The following METTL6 variants were observed in gnomAD, a reference collection of about 807,000 sequenced individuals.
METTL6 encodes methyltransferase 6, tRNA N3-cytidine, also known as tRNA N(3)-cytidine methyltransferase METTL6.
METTL6 carries 22 observed loss-of-function variants against 26.4 expected under a neutral mutation model. The ratio of observed to expected loss-of-function variants is 0.83; its 90% CI spans 0.59 to 1.19. The LOEUF (loss-of-function observed/expected upper bound fraction) is 1.19, where lower values mean the gene tolerates loss of function less well. Ranked by LOEUF, METTL6 falls within the 50% of genes most tolerant of loss-of-function variation. The probability of loss-of-function intolerance (pLI) is 0.00; values close to 1 mark genes in which losing one functional copy is unlikely to be tolerated. For missense variants in METTL6, 304 were observed against 324.8 expected, an observed-to-expected ratio of 0.94 and a Z score of 0.49; for synonymous variants, 109 against 116.2, an observed-to-expected ratio of 0.94 and a Z score of 0.40.
rs2124964368 is a variant in METTL6 at position 15,411,303 on chromosome 3, G to A, written c.808C>T (p.Pro270Ser). ...AGGACCACAGGAGATGGGTTCTTAGGAGGCTTTAGAAATTTGCTCTGAAGG... is the reference window on the plus strand; with the variant it reads ...AGGACCACAGGAGATGGGTTCTTAGAAGGCTTTAGAAATTTGCTCTGAAGG... ...VFLQSKFLKP[P>S]KNPSPVVLGL... is the part of the protein sequence containing the mutation. The change falls in exon 6 of 6, where the codon CCT (proline) becomes TCT (serine). Residue 270 changes from proline (P) to serine (S), a missense_variant. Physicochemically the swap from Pro to Ser is moderately conservative, Grantham distance 74. Coordinates refer to ENST00000383790, the MANE Select transcript of METTL6 (RefSeq NM_152396.4). The A allele has an allele frequency of 6.2e-7, 1 of 1,614,216 alleles. No homozygotes were observed. The highest frequency in any genetic ancestry group is 2.2e-5 in the East Asian group (1 of 44,882).
intron 6 of METTL6, among the ~76,000 whole-genome samples, chr3:15,400,461 C>T (rs1699610474): frequency 6.6e-6 from 1 of 152,114 alleles, no homozygotes; most frequent in African/African-American, 2.4e-5. Context: ...AATTATTGAA[C>T]TTTCAGAGGG....
rs114828888 is a variant in METTL6, at chr3:15,384,500, G to C, written c.*12-313C>G. 7.6e-3 allele frequency: 1,249 copies of C among 164,564 alleles called. 6 individuals are homozygous for C. The highest frequency in any genetic ancestry group is 0.027 in the African/African-American group (1,127 of 41,588). The allele number at this position is 164,564 out of a possible 1,614,324, so 10.2% of individuals were successfully genotyped here. ...TCACACCTGTAATTTCAGCACTTTG[G>C]GGGGCCGAGGCAGGAGGATCGCTTT... On this transcript the variant is annotated intron_variant, in intron 6 of 6. Transcript: ENST00000443029.
intron 6 of METTL6, among the ~76,000 whole-genome samples, chr3:15,389,513 T>C (rs906148081): frequency 3.3e-5 from 5 of 152,126 alleles, no homozygotes; most frequent in African/African-American, 1.2e-4. Flanking sequence ...TGGGGTGAGG[T>C]TGCCTTGCCT....
At chr3:15,391,637 A>G (rs1699349861) in intron 6 of METTL6, among the ~76,000 whole-genome samples, 2 of 135,354 alleles carry the variant, frequency 1.5e-5, no homozygotes, top group Admixed American at 7.2e-5. Context: ...TCCTAATGCT[A>G]TCCCTCCCCC....
At chr3:15,389,026 A>AT (rs113738338) in intron 6 of METTL6, among the ~76,000 whole-genome samples, 49 of 148,736 alleles carry the variant, frequency 3.3e-4, no homozygotes, top group South Asian at 1.1e-3. Flanking sequence ...TGCCCAGCTA[A>AT]TTTTTTTTTT....
downstream of METTL6, among the ~76,000 whole-genome samples, chr3:15,408,225 G>A (rs1047426474): frequency 5.9e-5 from 9 of 152,278 alleles, no homozygotes; most frequent in African/African-American, 2.2e-4. Context: ...CGAGACACAG[G>A]GGTGGCGTGG....
intron 3 of METTL6, among the ~76,000 whole-genome samples, chr3:15,423,121 C>T (rs566015211): frequency 6.6e-6 from 1 of 152,152 alleles, no homozygotes; most frequent in South Asian, 2.1e-4. Context: ...GTGAGCCAGG[C>T]GTGGTGGCTC....
chr3:15,388,353 C>T (rs951654505), intron 6 of METTL6, among the ~76,000 whole-genome samples: 6 of 152,090 alleles, frequency 3.9e-5, no homozygotes, highest in African/African-American at 1.4e-4. Flanking sequence ...TCAAGTGATT[C>T]GCCCGCCTCG....
Position 15,425,038 on chromosome 3 carries a change from A to C in METTL6, c.277T>G (p.Cys93Gly), listed in dbSNP as rs2061687355. The C allele has an allele frequency of 1.2e-6, 2 of 1,614,210 alleles. No individual in the cohort carries two copies. Among genetic ancestry groups the C allele is most frequent in the East Asian group, 4.5e-5 (2 of 44,876 alleles). Residue 93 changes from cysteine to glycine, a missense_variant, in exon 3 of 6, where the codon TGT becomes GGT. Physicochemically the swap from Cys to Gly is radical, Grantham distance 159. Transcript: ENST00000383790. ...MLEAGCGVGNCLFPLLEEDPN... is the reference protein window; with the variant it reads ...MLEAGCGVGNGLFPLLEEDPN... Reference sequence around the variant, plus strand: ...TCTTCTTCTAAAAGTGGGAATAAACAGTTTCCAACCCCACAGCCAGCTTCA... The same window carrying C: ...TCTTCTTCTAAAAGTGGGAATAAACCGTTTCCAACCCCACAGCCAGCTTCA...
At chr3:15,422,804 A>C (rs962127702) in intron 3 of METTL6, among the ~76,000 whole-genome samples, 1 of 152,222 alleles carries the variant, frequency 6.6e-6, no homozygotes, top group Admixed American at 6.5e-5. Flanking sequence ...GGTAGTTACT[A>C]TCTTAACCCT....
In METTL6 at chr3:15,426,622, A is replaced by T. The variant is rs895836214; in HGVS notation, c.-111T>A. The T allele has an allele frequency of 1.0e-6, 1 of 967,092 alleles. No homozygotes were observed. The highest frequency in any genetic ancestry group is 1.6e-6 in the Non-Finnish European group (1 of 636,626). 59.9% of individuals were successfully genotyped at this position (967,092 alleles called of 1,614,324 possible). ...TTCCTGAGGTGAGTTTCACGCCTCA[A>T]ACAGCACAGGGGGCTTCGCAGAGAA... On this transcript the variant is annotated 5_prime_UTR_variant, in exon 2 of 6. The change creates a new upstream start codon in the 5' untranslated region. Transcript: ENST00000383790.
chr3:15,411,147 G>T lies in METTL6; in HGVS notation c.*109C>A. 1 of 1,234,450 alleles carries T rather than the reference G, an allele frequency of 8.1e-7. No homozygotes were observed. Among genetic ancestry groups the T allele is most frequent in the Non-Finnish European group, 1.1e-6 (1 of 898,122 alleles). The allele number at this position is 1,234,450 out of a possible 1,614,324, so 76.5% of individuals were successfully genotyped here. A position where few individuals can be genotyped will look rare whatever the true frequency, so the allele number is the denominator to read the frequency against. The stretch of plus-strand genomic sequence containing the variant: ...TGACCTCAGATGATCCCCCAACCTC[G>T]GCCTCCCGAAGTGCTGGGATTACAG... On this transcript the variant is annotated 3_prime_UTR_variant, in exon 6 of 6. Coordinates refer to ENST00000383790, the MANE Select transcript of METTL6 (RefSeq NM_152396.4).
intron 6 of METTL6, among the ~76,000 whole-genome samples, chr3:15,398,925 G>C (rs1699563661): frequency 6.6e-6 from 1 of 152,204 alleles, no homozygotes; most frequent in Non-Finnish European, 1.5e-5. Flanking sequence ...GGATGAGATA[G>C]GTCAGCACAA....
intron 6 of METTL6, among the ~76,000 whole-genome samples, chr3:15,392,142 A>G (rs919660797): frequency 1.1e-4 from 17 of 152,176 alleles, no homozygotes; most frequent in African/African-American, 4.1e-4. Flanking sequence ...CTATTTCTCC[A>G]CATCCTCTCC....
At position 15,394,760 on chromosome 3, in the gene METTL6, G is replaced by A. The variant is rs1361753424; in HGVS notation, c.*12-10573C>T. On this transcript the variant is annotated intron_variant, in intron 6 of 6. Transcript: ENST00000443029. Reference sequence around the variant, plus strand: ...CTGCCTTCATTTCGTTATGTACCCAGTAGTCATTCAGGAGCAAGTTGTTCA... The same window carrying A: ...CTGCCTTCATTTCGTTATGTACCCAATAGTCATTCAGGAGCAAGTTGTTCA... Among the ~76,000 whole-genome samples, 7 of 152,204 alleles carry A rather than the reference G, an allele frequency of 4.6e-5. No individual in the cohort carries two copies. In the East Asian group the frequency reaches 1.3e-3, roughly 29 times the overall value.
At chr3:15,421,245 A>G (rs936975859) in intron 3 of METTL6, among the ~76,000 whole-genome samples, 1 of 152,242 alleles carries the variant, frequency 6.6e-6, no homozygotes, top group Non-Finnish European at 1.5e-5. Flanking sequence ...GTGACAACAT[A>G]TAATAATATA....
chr3:15,417,632 C>T lies in METTL6; in HGVS notation c.361-1690G>A, dbSNP rs942681452. Among the ~76,000 whole-genome samples, 5 of 151,902 alleles carry T rather than the reference C, an allele frequency of 3.3e-5. No homozygotes were observed. The East Asian group carries it at 9.7e-4, about 29-fold the overall frequency. On this transcript the variant is annotated intron_variant, in intron 3 of 5. Coordinates refer to ENST00000383790, the MANE Select transcript of METTL6 (RefSeq NM_152396.4). ...GAGTCCCAAAACAGACCTGTATATA[C>T]TGTATATATAAACAGGAATTTTGTA... is the stretch of plus-strand genomic sequence containing the variant.
downstream of METTL6, among the ~76,000 whole-genome samples, chr3:15,406,783 C>A (rs1280823716): frequency 6.6e-6 from 1 of 150,954 alleles, no homozygotes; most frequent in African/African-American, 2.4e-5. Flanking sequence ...CTAAAGGCAC[C>A]ATGCCTAGCT....
rs184745845 is a variant in METTL6, at chr3:15,414,306, T to C, written c.532-144A>G. On this transcript the variant is annotated intron_variant, in intron 4 of 5. Transcript: ENST00000383790. ...ATAATACGGAACCAAAATGGCCTAC[T>C]ACTTAAAAAGATAGTAAGACCAGGC... 9.9e-3 allele frequency: 14,212 copies of C among 1,431,456 alleles called. 105 individuals are homozygous for C. The highest frequency in any genetic ancestry group is 0.011 in the Non-Finnish European group (12,355 of 1,098,340). The allele number at this position is 1,431,456 out of a possible 1,614,324, so 88.7% of individuals were successfully genotyped here.
Sources: allele counts gnomAD v4.1 joint callset (sites outside exome capture counted in the v4.1 genomes callset), GRCh38; gene constraint gnomAD v4.1.1; transcripts MANE v1.5; gene names NCBI Gene and HGNC (gene_info 2026-07-23, HGNC 2026-07-21).